SEMA6D: variants seen among roughly 807,000 people sequenced by gnomAD.
The protein encoded by SEMA6D is semaphorin 6D, also known as semaphorin-6D.
SEMA6D carries 35 observed loss-of-function variants against 106.6 expected under a neutral mutation model. That is an observed-to-expected ratio of 0.33 (90% CI 0.25 to 0.44). The LOEUF is 0.44. Ranked by LOEUF, SEMA6D falls within the 20% of genes least tolerant of loss-of-function variation. The pLI, the probability that SEMA6D is intolerant of heterozygous loss-of-function variation, is 1.00. For missense variants in SEMA6D, 1,185 were observed against 1,345.9 expected, an observed-to-expected ratio of 0.88 and a Z score of 1.87; for synonymous variants, 499 against 487.7, an observed-to-expected ratio of 1.02 and a Z score of -0.31.
At chr15:47,285,908 T>C (rs185230444) in intron 1 of SEMA6D, among the ~76,000 whole-genome samples, 1 of 152,350 alleles carries the variant, frequency 6.6e-6, no homozygotes, top group East Asian at 1.9e-4. Flanking sequence ...TACTAACTTA[T>C]TACTAACATT....
Position 47,186,570 on chromosome 15 carries a change from A to G in SEMA6D, c.-239+2152A>G, listed in dbSNP as rs940603008. On this transcript the variant is annotated intron_variant, in intron 1 of 19. Coordinates refer to the SEMA6D transcript ENST00000558014. ...TAAAAACTATTATATTTTCAACTCTATTATTTTACATTTTCAATGCCGTTC... is the reference window on the plus strand; with the variant it reads ...TAAAAACTATTATATTTTCAACTCTGTTATTTTACATTTTCAATGCCGTTC... 6.0e-5 allele frequency among the ~76,000 whole-genome samples: 9 copies of G among 149,162 alleles called. No homozygotes were observed. In the East Asian group the frequency reaches 7.9e-4, roughly 13 times the overall value.
intron 1 of SEMA6D, among the ~76,000 whole-genome samples, chr15:47,340,302 G>A (rs1168603070): frequency 2.0e-5 from 3 of 151,656 alleles, no homozygotes; most frequent in African/African-American, 7.3e-5. Flanking sequence ...TTCAGAACAA[G>A]CATTGCCTGT....
intron 3 of SEMA6D, among the ~76,000 whole-genome samples, chr15:47,541,779 A>C (rs915477034): frequency 2.0e-5 from 3 of 152,158 alleles, no homozygotes; most frequent in Non-Finnish European, 4.4e-5. Flanking sequence ...TTAGCAATCC[A>C]AAAAGAGCTG....
intron 1 of SEMA6D, among the ~76,000 whole-genome samples, chr15:47,253,575 A>G (rs4775675): frequency 0.98 from 148,493 of 152,176 alleles, 72,553 homozygotes; most frequent in Middle Eastern, 1. Context: ...ACCTCTGCAT[A>G]TGGATATCCA....
chr15:47,339,834 C>A (rs7164576), intron 1 of SEMA6D, among the ~76,000 whole-genome samples: 1 of 150,418 alleles, frequency 6.6e-6, no homozygotes, highest in African/African-American at 2.5e-5. Context: ...CCAACTTGGG[C>A]GACAGAGTGA....
intron 1 of SEMA6D, among the ~76,000 whole-genome samples, chr15:47,287,360 T>C (rs1467388510): frequency 6.6e-6 from 1 of 152,176 alleles, no homozygotes; most frequent in African/African-American, 2.4e-5. Context: ...ATACATATAG[T>C]CTTTGAAGGA....
intron 1 of SEMA6D, among the ~76,000 whole-genome samples, chr15:47,375,456 T>A (rs1380601106): frequency 6.6e-6 from 1 of 152,216 alleles, no homozygotes; most frequent in African/African-American, 2.4e-5. Flanking sequence ...ACCTCTGGTA[T>A]GCTTATTTAC....
intron 1 of SEMA6D, among the ~76,000 whole-genome samples, chr15:47,391,706 T>C (rs1455818763): frequency 6.6e-6 from 1 of 151,806 alleles, no homozygotes; most frequent in Non-Finnish European, 1.5e-5. Context: ...ATTGTATGAT[T>C]TCTACACAAA....
chr15:47,638,320 G>A (rs2077427991), intron 4 of SEMA6D, among the ~76,000 whole-genome samples: 1 of 152,106 alleles, frequency 6.6e-6, no homozygotes, highest in Non-Finnish European at 1.5e-5. Context: ...GGCAGGATGT[G>A]AAACTCATTG....
chr15:47,728,713 G>A (rs1596815402), intron 1 of SEMA6D, among the ~76,000 whole-genome samples: 2 of 152,336 alleles, frequency 1.3e-5, no homozygotes, highest in African/African-American at 4.8e-5. Context: ...AGCTCCAGGA[G>A]AGAATGTGTC....
At chr15:47,372,654 A>G (rs1048579394) in intron 1 of SEMA6D, among the ~76,000 whole-genome samples, 1 of 152,174 alleles carries the variant, frequency 6.6e-6, no homozygotes, top group African/African-American at 2.4e-5. Flanking sequence ...GAAAATCACC[A>G]TGTATTTAGT....
At chr15:47,521,707 T>C (rs1196071477) in intron 3 of SEMA6D, among the ~76,000 whole-genome samples, 1 of 152,166 alleles carries the variant, frequency 6.6e-6, no homozygotes, top group Non-Finnish European at 1.5e-5. Flanking sequence ...GATTCACGGC[T>C]GGGCACGGTG....
chr15:47,252,420 T>C (rs532403795), intron 1 of SEMA6D, among the ~76,000 whole-genome samples: 1 of 152,254 alleles, frequency 6.6e-6, no homozygotes, highest in South Asian at 2.1e-4. Context: ...GATTTACTTT[T>C]CTAACTATCC....
chr15:47,554,024 G>A (rs1267600242), intron 3 of SEMA6D, among the ~76,000 whole-genome samples: 6 of 152,178 alleles, frequency 3.9e-5, no homozygotes, highest in African/African-American at 1.4e-4. Context: ...AACCAACTTT[G>A]TTGAAGCACA....
At chr15:47,443,387 T>C (rs80051481) in intron 2 of SEMA6D, among the ~76,000 whole-genome samples, 4,296 of 152,218 alleles carry the variant, frequency 0.028, 142 homozygotes, top group East Asian at 0.15. Context: ...TTAAATAGTC[T>C]GACTGCTCTG....
At chr15:47,310,322 G>A (rs2036400286) in intron 1 of SEMA6D, among the ~76,000 whole-genome samples, 1 of 152,164 alleles carries the variant, frequency 6.6e-6, no homozygotes, top group South Asian at 2.1e-4. Context: ...GCTGTGGGAT[G>A]GGGCAGGAGC....
chr15:47,232,526 G>GGTGTGTGTGTGTGTGTGTGT (rs60261871), intron 1 of SEMA6D, among the ~76,000 whole-genome samples: 14 of 148,142 alleles, frequency 9.5e-5, no homozygotes, highest in African/African-American at 3.5e-4. Flanking sequence ...ATGGGGGGAG[G>GGTGTGTGTGTGTGTGTGTGT]GTGTGTGTGT....
At chr15:47,487,197 A>G (rs1036557710) in intron 3 of SEMA6D, among the ~76,000 whole-genome samples, 2 of 152,214 alleles carry the variant, frequency 1.3e-5, no homozygotes, top group Non-Finnish European at 2.9e-5. Context: ...TTCAGTTGCA[A>G]GTGACATTGT....
chr15:47,194,336 C>G (rs190513174), intron 1 of SEMA6D, among the ~76,000 whole-genome samples: 1 of 152,096 alleles, frequency 6.6e-6, no homozygotes, highest in East Asian at 1.9e-4. Flanking sequence ...GTCAAAACAC[C>G]GGTGCATTTT....
Sources: gnomAD v4.1 joint callset for allele counts (sites outside exome capture counted in the v4.1 genomes callset) on GRCh38, gnomAD v4.1.1 for gene constraint, MANE v1.5 for transcripts, NCBI Gene and HGNC (gene_info 2026-07-23, HGNC 2026-07-21) for gene names.